The following FGGY variants were observed in gnomAD, a reference collection of about 807,000 sequenced individuals.
FGGY encodes the protein FGGY carbohydrate kinase domain-containing protein.
In FGGY, 72 loss-of-function variants were observed where a neutral mutation model predicts 71.3. The observed-to-expected ratio is 1.01, with a 90% CI of 0.84 to 1.23. The LOEUF (loss-of-function observed/expected upper bound fraction) is 1.23. Ranked by LOEUF, FGGY falls within the 50% of genes most tolerant of loss-of-function variation. The probability of loss-of-function intolerance (pLI) is 0.00; values close to 1 mark genes in which losing one functional copy is unlikely to be tolerated. For missense variants in FGGY, 668 were observed against 682.3 expected, an observed-to-expected ratio of 0.98 and a Z score of 0.23; for synonymous variants, 251 against 250.3, an observed-to-expected ratio of 1.00 and a Z score of -0.02.
At chr1:59,730,155 A>C (rs1278831120) in intron 14 of FGGY, among the ~76,000 whole-genome samples, 2 of 151,980 alleles carry the variant, frequency 1.3e-5, no homozygotes, top group Non-Finnish European at 2.9e-5. Context: ...TGTCCCTACC[A>C]GTTTATGACT....
At chr1:59,722,585 A>T (rs1201325361) in intron 14 of FGGY, among the ~76,000 whole-genome samples, 1 of 152,090 alleles carries the variant, frequency 6.6e-6, no homozygotes, top group Non-Finnish European at 1.5e-5. Context: ...TTGTTTTGTT[A>T]CTCAGTTGTT....
chr1:59,439,741 TCCATATC>T (rs978453751), intron 5 of FGGY, among the ~76,000 whole-genome samples: 12 of 152,342 alleles, frequency 7.9e-5, no homozygotes, highest in Admixed American at 5.9e-4. Context: ...ATTCCATTAT[TCCATATC>T]CTTCTCTTCC....
chr1:59,680,562 A>G (rs2097487878), intron 14 of FGGY: 1 of 151,824 alleles, frequency 6.6e-6, no homozygotes. Context: ...GTTTCAATCC[A>G]GTTTGCAGAA....
chr1:59,526,961 A>G (rs555502529), intron 7 of FGGY, among the ~76,000 whole-genome samples: 6 of 152,234 alleles, frequency 3.9e-5, no homozygotes, highest in Non-Finnish European at 5.9e-5. Context: ...TAAGCACTCA[A>G]CAAGTGTTAG....
chr1:59,345,210 G>A (rs544222116), intron 3 of FGGY, among the ~76,000 whole-genome samples: 2 of 152,196 alleles, frequency 1.3e-5, no homozygotes, highest in African/African-American at 2.4e-5. Context: ...AAGATATGTA[G>A]TGCTGCGGTT....
At chr1:59,539,574 G>A (rs1391448320) in intron 7 of FGGY, among the ~76,000 whole-genome samples, 1 of 152,082 alleles carries the variant, frequency 6.6e-6, no homozygotes, top group East Asian at 1.9e-4. Context: ...TTGAATTTTG[G>A]CCCTTCTCCT....
Position 59,323,309 on chromosome 1 carries a change from C to T in FGGY, c.201+1559C>T, listed in dbSNP as rs1213715430. ...TAATGGTAGATTTTTAATCATCTCC[C>T]AGTGGTGGCCAACTTATCATCTGTT... is the stretch of plus-strand genomic sequence containing the variant. On this transcript the variant is annotated intron_variant, in intron 2 of 15. Transcript: ENST00000303721. Among the ~76,000 whole-genome samples the T allele has an allele frequency of 2.6e-5, 4 of 152,166 alleles. No individual in the cohort carries two copies. In the East Asian group the frequency reaches 5.8e-4, roughly 22 times the overall value.
intron 10 of FGGY, among the ~76,000 whole-genome samples, chr1:59,632,558 C>T (rs1457585613): frequency 1.3e-5 from 2 of 152,136 alleles, no homozygotes; most frequent in Non-Finnish European, 2.9e-5. Flanking sequence ...CCATTAAAGG[C>T]TGTACAAATC....
chr1:59,381,046 G>C (rs1039003118), intron 5 of FGGY, among the ~76,000 whole-genome samples: 5 of 152,096 alleles, frequency 3.3e-5, no homozygotes, highest in African/African-American at 1.2e-4. Flanking sequence ...TATTAAATAG[G>C]GAATCCTTTC....
At chr1:59,648,260 A>T (rs1313996403) in intron 11 of FGGY, among the ~76,000 whole-genome samples, 1 of 108,522 alleles carries the variant, frequency 9.2e-6, no homozygotes, top group African/African-American at 4.3e-5. Context: ...TTGGGTATAT[A>T]CCCAGTAATG....
rs116829002 is a variant in FGGY at position 59,760,363 on chromosome 1, G to A, written c.1575-2140G>A. ...GTTGGTGAGAATGTAACATAGTATC[G>A]CTGCTGCAGAAAACACTATGGCCAT... On this transcript the variant is annotated intron_variant, in intron 15 of 15. Transcript: ENST00000303721. 2.7e-3 allele frequency among the ~76,000 whole-genome samples: 417 copies of A among 152,298 alleles called. 3 individuals are homozygous for A. The highest frequency in any genetic ancestry group is 4.2e-3 in the Non-Finnish European group (283 of 68,012).
Position 59,612,784 on chromosome 1 carries a change from A to C in FGGY, c.1011+4874A>C, listed in dbSNP as rs201245616. Among the ~76,000 whole-genome samples the C allele has an allele frequency of 9.8e-5, 15 of 152,348 alleles. No individual in the cohort carries two copies. The East Asian group carries it at 2.5e-3, about 25-fold the overall frequency. On this transcript the variant is annotated intron_variant, in intron 9 of 15. Transcript: ENST00000303721. The stretch of plus-strand genomic sequence containing the variant: ...GTGCGGAGACACACATAGTCTCAAA[A>C]TAAAGGGATGGAGGAAGATCTACCA...
chr1:59,540,566 A>G (rs542214409), intron 7 of FGGY, among the ~76,000 whole-genome samples: 1 of 152,310 alleles, frequency 6.6e-6, no homozygotes, highest in Admixed American at 6.5e-5. Flanking sequence ...TGGTATTTGG[A>G]AAAGGACATG....
At chr1:59,531,569 C>T (rs375083960) in intron 7 of FGGY, among the ~76,000 whole-genome samples, 53 of 152,296 alleles carry the variant, frequency 3.5e-4, no homozygotes, top group African/African-American at 8.4e-4. Context: ...CCCTTTTATA[C>T]GCTGAGCATT....
intron 8 of FGGY, among the ~76,000 whole-genome samples, chr1:59,598,577 G>T (rs2096545767): frequency 1.3e-5 from 2 of 152,154 alleles, no homozygotes; most frequent in Non-Finnish European, 2.9e-5. Context: ...CACCCACTCA[G>T]ATTGCTAAAC....
intron 11 of FGGY, among the ~76,000 whole-genome samples, chr1:59,645,841 A>C (rs1177339883): frequency 6.6e-6 from 1 of 152,220 alleles, no homozygotes; most frequent in Non-Finnish European, 1.5e-5. Context: ...CTTCATGTTA[A>C]AAGTACAGAA....
At chr1:59,417,657 G>A (rs2153436412) in intron 5 of FGGY, among the ~76,000 whole-genome samples, 1 of 152,178 alleles carries the variant, frequency 6.6e-6, no homozygotes, top group African/African-American at 2.4e-5. Context: ...GGTGTGAAGT[G>A]GTATCTCATT....
Position 59,762,677 on chromosome 1 carries a change from T to C in FGGY, c.*93T>C. ...ATGTTCAAGACCCTTGAGGTATTGT[T>C]TCATCATTTCTGTATTGTCTTTCAA... is the stretch of plus-strand genomic sequence containing the variant. On this transcript the variant is annotated 3_prime_UTR_variant, in exon 16 of 16. Transcript: ENST00000303721. 1.1e-6 allele frequency: 1 copy of C among 890,408 alleles called. No individual in the cohort carries two copies. Among genetic ancestry groups the C allele is most frequent in the Non-Finnish European group, 1.8e-6 (1 of 563,184 alleles). The allele number at this position is 890,408 out of a possible 1,614,324, so 55.2% of individuals were successfully genotyped here.
chr1:59,702,799 G>C (rs926032558), intron 14 of FGGY, among the ~76,000 whole-genome samples: 1 of 152,182 alleles, frequency 6.6e-6, no homozygotes, highest in African/African-American at 2.4e-5. Flanking sequence ...CTGCTGAGGA[G>C]GGAGAGGTAT....
Sources: allele counts gnomAD v4.1 joint callset (sites outside exome capture counted in the v4.1 genomes callset), GRCh38; gene constraint gnomAD v4.1.1; transcripts MANE v1.5; gene names NCBI Gene and HGNC (gene_info 2026-07-23, HGNC 2026-07-21).